The following KAT2B variants were observed in gnomAD, a reference collection of about 807,000 sequenced individuals.
KAT2B encodes the protein histone acetyltransferase KAT2B.
KAT2B carries 36 observed loss-of-function variants against 105.9 expected under a neutral mutation model. That is an observed-to-expected ratio of 0.34 (90% CI 0.26 to 0.45). KAT2B has a LOEUF of 0.45. Among genes scored for constraint, KAT2B ranks in the 20% least tolerant of loss-of-function variants. KAT2B has a pLI of 1.00. For missense variants in KAT2B, 820 were observed against 1,021.6 expected (o/e 0.80, Z 2.69); for synonymous variants, 397 against 377.9 (o/e 1.05, Z -0.59).
At chr3:20,131,917 G>T (rs1699517914) in intron 11 of KAT2B, among the ~76,000 whole-genome samples, 1 of 152,142 alleles carries the variant, frequency 6.6e-6, no homozygotes, top group African/African-American at 2.4e-5. Flanking sequence ...TGGCTAAATG[G>T]CACTTTAAAA....
At chr3:20,085,654 G>A (rs1698600630) in intron 2 of KAT2B, among the ~76,000 whole-genome samples, 1 of 151,834 alleles carries the variant, frequency 6.6e-6, no homozygotes, top group Admixed American at 6.6e-5. Flanking sequence ...GGGACTACTG[G>A]CATGCACCAC....
At chr3:20,103,245 A>G (rs1039749285) in intron 5 of KAT2B, among the ~76,000 whole-genome samples, 2 of 152,164 alleles carry the variant, frequency 1.3e-5, no homozygotes, top group African/African-American at 4.8e-5. Flanking sequence ...AAAAATATGT[A>G]TTTTTTAATC....
chr3:20,049,883 T>G (rs1305605383), intron 1 of KAT2B, among the ~76,000 whole-genome samples: 2 of 152,078 alleles, frequency 1.3e-5, no homozygotes, highest in African/African-American at 4.8e-5. Flanking sequence ...TGTCAGAAAG[T>G]TAAGAAATTG....
At chr3:20,082,402 T>G (rs60916747) in intron 2 of KAT2B, among the ~76,000 whole-genome samples, 11,020 of 152,162 alleles carry the variant, frequency 0.072, 449 homozygotes, top group East Asian at 0.2. Context: ...TATAATACCT[T>G]TATCTAATCT....
At chr3:20,083,376 A>G (rs1698554344) in intron 2 of KAT2B, among the ~76,000 whole-genome samples, 1 of 152,226 alleles carries the variant, frequency 6.6e-6, no homozygotes, top group South Asian at 2.1e-4. Flanking sequence ...AAAGGTTAAG[A>G]GAAGGGTTTC....
intron 1 of KAT2B, among the ~76,000 whole-genome samples, chr3:20,058,975 C>T (rs939930932): frequency 3.3e-5 from 5 of 152,162 alleles, no homozygotes; most frequent in Non-Finnish European, 7.3e-5. Flanking sequence ...ATGAGATCTC[C>T]AGGTGATTCC....
At chr3:20,069,412 A>T (rs1188783877) in intron 1 of KAT2B, among the ~76,000 whole-genome samples, 1 of 152,146 alleles carries the variant, frequency 6.6e-6, no homozygotes, top group Non-Finnish European at 1.5e-5. Flanking sequence ...TGTCTCCAAG[A>T]TCAACTTCTG....
intron 1 of KAT2B, among the ~76,000 whole-genome samples, chr3:20,061,313 T>G (rs928537519): frequency 4.0e-4 from 61 of 152,296 alleles, no homozygotes; most frequent in African/African-American, 1.3e-3. Flanking sequence ...GTTGCCTTTC[T>G]TTTTAAGGTT....
At chr3:20,062,357 T>A (rs554523684) in intron 1 of KAT2B, among the ~76,000 whole-genome samples, 1 of 94,322 alleles carries the variant, frequency 1.1e-5, no homozygotes, top group Non-Finnish European at 2.0e-5. Context: ...ATAATATATT[T>A]TATATATAAT....
intron 3 of KAT2B, among the ~76,000 whole-genome samples, chr3:20,099,462 A>T (rs192150038): frequency 6.6e-6 from 1 of 152,268 alleles, no homozygotes; most frequent in Non-Finnish European, 1.5e-5. Context: ...AGTGGCCTGG[A>T]TGGGCATGTG....
intron 9 of KAT2B, 30 bp downstream of exon 9, chr3:20,122,834 G>T (rs1271336255): frequency 6.3e-7 from 1 of 1,590,360 alleles, no homozygotes; most frequent in Admixed American, 1.7e-5. Context: ...GCAGCCAGCT[G>T]GTAGACCTCT....
chr3:20,153,879 A>C lies in KAT2B; in HGVS notation c.*1354A>C, dbSNP rs2125204333. On this transcript the variant is annotated 3_prime_UTR_variant, in exon 18 of 18. Transcript: ENST00000263754. Reference sequence around the variant, plus strand: ...ATAAAATGGTCATGAATAGTCATTAAAAACAGTTGCCAGTGATAATCTGCA... The same window carrying C: ...ATAAAATGGTCATGAATAGTCATTACAAACAGTTGCCAGTGATAATCTGCA... The C allele has an allele frequency of 6.6e-6, 1 of 152,570 alleles. No homozygotes were observed. The highest frequency in any genetic ancestry group is 3.4e-3 in the Middle Eastern group (1 of 294). The allele number at this position is 152,570 out of a possible 1,614,324, so 9.5% of individuals were successfully genotyped here.
intron 1 of KAT2B, among the ~76,000 whole-genome samples, chr3:20,069,883 G>A (rs780897947): frequency 6.6e-6 from 1 of 152,030 alleles, no homozygotes; most frequent in Non-Finnish European, 1.5e-5. Flanking sequence ...TGTATATTTC[G>A]GTTTGCCATA....
chr3:20,128,610 A>T (rs1326958424), intron 11 of KAT2B, among the ~76,000 whole-genome samples: 1 of 152,118 alleles, frequency 6.6e-6, no homozygotes, highest in Non-Finnish European at 1.5e-5. Flanking sequence ...GTCTGGCGAG[A>T]ATAAACCAGA....
chr3:20,137,582 C>A, intron 12 of KAT2B: 1 of 154,494 alleles, frequency 6.5e-6, no homozygotes, highest in Middle Eastern at 5.2e-4. Flanking sequence ...GGTGCCTAGG[C>A]TGAGACTGCA....
intron 1 of KAT2B, among the ~76,000 whole-genome samples, chr3:20,044,740 A>G (rs1430361474): frequency 6.6e-6 from 1 of 152,196 alleles, no homozygotes; most frequent in Non-Finnish European, 1.5e-5. Flanking sequence ...CCCATTAGAA[A>G]TTATCCAAAT....
intron 1 of KAT2B, among the ~76,000 whole-genome samples, chr3:20,068,300 C>G (rs149513220): frequency 6.6e-6 from 1 of 151,798 alleles, no homozygotes; most frequent in African/African-American, 2.4e-5. Context: ...TTGACCCTGT[C>G]TGGTTTAATT....
chr3:20,091,986 T>G (rs1204930892), intron 2 of KAT2B, among the ~76,000 whole-genome samples: 2 of 152,180 alleles, frequency 1.3e-5, no homozygotes, highest in African/African-American at 4.8e-5. Flanking sequence ...TTTTATGGAC[T>G]ATCATCTGAT....
chr3:20,122,901 A>T (rs1389615957), intron 9 of KAT2B, 97 bp downstream of exon 9: 11 of 1,480,502 alleles, frequency 7.4e-6, no homozygotes, highest in Non-Finnish European at 8.1e-6. Context: ...CTGAGAGTTA[A>T]CATGTTATGC....
Sources: allele counts gnomAD v4.1 joint callset (sites outside exome capture counted in the v4.1 genomes callset), GRCh38; gene constraint gnomAD v4.1.1; transcripts MANE v1.5; gene names NCBI Gene and HGNC (gene_info 2026-07-23, HGNC 2026-07-21).